The following HACD3 variants were observed in gnomAD, a reference collection of about 807,000 sequenced individuals.
HACD3 encodes 3-hydroxyacyl-CoA dehydratase 3.
Under a neutral mutation model 55.2 loss-of-function variants are expected in HACD3, and 30 were observed. The observed-to-expected ratio is 0.54, with a 90% CI of 0.41 to 0.74. The LOEUF is 0.74. Among genes scored for constraint, HACD3 ranks in the 30% least tolerant of loss-of-function variants. HACD3 has a pLI of 0.00. For synonymous variants in HACD3, 141 were observed against 151.7 expected (o/e 0.93, Z 0.52); for missense variants, 363 against 440.1 (o/e 0.82, Z 1.57).
chr15:65,539,210 CTTTTTTTTTTTTTTTT>C lies in HACD3; in HGVS notation c.87+8504_87+8519del, dbSNP rs71139414. ...TTTCTGAGAATGTTCAGTGACAGGA[CTTTTTTTTTTTTTTTT>C]TTTTTTTTTTTGAGATGGAGTCTCA... On this transcript the variant is annotated intron_variant, in intron 1 of 10. Coordinates refer to ENST00000261875, the MANE Select transcript of HACD3 (RefSeq NM_016395.4). 1.7e-4 allele frequency among the ~76,000 whole-genome samples: 9 copies of C among 54,328 alleles called. No homozygotes were observed. In the East Asian group the frequency reaches 5.3e-3, roughly 32 times the overall value. The allele number at this position is 54,328 out of a possible 152,430, so 35.6% of individuals were successfully genotyped here.
intron 10 of HACD3, among the ~76,000 whole-genome samples, chr15:65,575,151 C>T (rs2141228535): frequency 6.6e-6 from 1 of 151,598 alleles, no homozygotes; most frequent in South Asian, 2.1e-4. Flanking sequence ...GTGTAAACAG[C>T]CAGTTAACAT....
chr15:65,547,928 CAAT>C (rs1185696749), intron 1 of HACD3, among the ~76,000 whole-genome samples: 1 of 152,064 alleles, frequency 6.6e-6, no homozygotes, highest in Non-Finnish European at 1.5e-5. Flanking sequence ...AAATGATCAA[CAAT>C]GATTGTGGAA....
rs780903175 is a variant in HACD3 at position 65,551,679 on chromosome 15, C to G, written c.91C>G (p.Pro31Ala). ...CATCCTTGGTCTCTTTTCACAGAAC[C>G]CTGCCATCAGCATCACTGAAAACGT... ...LRVELSDVQNPAISITENVLH... is the reference protein window; with the variant it reads ...LRVELSDVQNAAISITENVLH... The change falls in exon 2 of 11, where the codon CCT becomes GCT. Residue 31 changes from proline to alanine, a missense_variant. Physicochemically the swap from Pro to Ala is conservative, Grantham distance 27 (BLOSUM62 -1). Coordinates refer to ENST00000261875, the MANE Select transcript of HACD3 (RefSeq NM_016395.4). 9 of 1,613,800 alleles carry G rather than the reference C, an allele frequency of 5.6e-6. No homozygotes were observed. Among genetic ancestry groups the G allele is most frequent in the Non-Finnish European group, 6.8e-6 (8 of 1,179,884 alleles).
chr15:65,535,700 T>C (rs1401912070), intron 1 of HACD3: 1 of 303,752 alleles, frequency 3.3e-6, no homozygotes. Flanking sequence ...GATGTTAACT[T>C]TTTTTTTTTT....
intron 7 of HACD3, among the ~76,000 whole-genome samples, chr15:65,568,904 G>C (rs2072320118): frequency 6.6e-6 from 1 of 152,030 alleles, no homozygotes; most frequent in Admixed American, 6.6e-5. Flanking sequence ...TCATATATTG[G>C]AATGTCTTGC....
intron 1 of HACD3, among the ~76,000 whole-genome samples, chr15:65,542,509 C>A (rs1244353821): frequency 6.6e-6 from 1 of 152,060 alleles, no homozygotes; most frequent in East Asian, 1.9e-4. Flanking sequence ...AGCGATCTAC[C>A]CACCTTGGTC....
chr15:65,537,501 G>A (rs2071965760), intron 1 of HACD3, among the ~76,000 whole-genome samples: 1 of 151,378 alleles, frequency 6.6e-6, no homozygotes, highest in African/African-American at 2.4e-5. Flanking sequence ...TAAGAATTAT[G>A]TTAAATCGGC....
chr15:65,545,030 A>G (rs565862965), intron 1 of HACD3, among the ~76,000 whole-genome samples: 46 of 152,184 alleles, frequency 3.0e-4, no homozygotes, highest in Non-Finnish European at 4.4e-4. Context: ...AAAAAAAAAA[A>G]AAAGAAAGAA....
At chr15:65,573,644 T>C (rs1314775546) in intron 10 of HACD3, among the ~76,000 whole-genome samples, 1 of 152,012 alleles carries the variant, frequency 6.6e-6, no homozygotes, top group Non-Finnish European at 1.5e-5. Flanking sequence ...CAGTATTTGG[T>C]AATTTCTAAA....
intron 10 of HACD3, among the ~76,000 whole-genome samples, chr15:65,574,810 C>T (rs1271941931): frequency 6.6e-6 from 1 of 152,154 alleles, no homozygotes; most frequent in African/African-American, 2.4e-5. Context: ...AAGAGAGGAA[C>T]CCTCAGTTCA....
rs201367549 is a variant in HACD3 at position 65,531,564 on chromosome 15, T to C, written c.87+846T>C. On this transcript the variant is annotated intron_variant, in intron 1 of 10. Coordinates refer to ENST00000261875, the MANE Select transcript of HACD3 (RefSeq NM_016395.4). The stretch of plus-strand genomic sequence containing the variant: ...GGTTCTTTCTTTCTTTCTTTCTTTT[T>C]TTTTCTTTTCTTTTTTTTGAGACGG... 4.7e-3 allele frequency: 712 copies of C among 152,050 alleles called. 1 individual carries two copies. Among genetic ancestry groups the C allele is most frequent in the Middle Eastern group, 6.8e-3 (2 of 294 alleles). 9.4% of individuals were successfully genotyped at this position (152,050 alleles called of 1,614,324 possible). A position where few individuals can be genotyped will look rare whatever the true frequency, so the allele number is the denominator to read the frequency against.
At chr15:65,537,285 G>A (rs1184496585) in intron 1 of HACD3, among the ~76,000 whole-genome samples, 1 of 152,168 alleles carries the variant, frequency 6.6e-6, no homozygotes, top group African/African-American at 2.4e-5. Context: ...CCTTGATGAA[G>A]GTGGCTGCAC....
intron 1 of HACD3, among the ~76,000 whole-genome samples, chr15:65,535,205 T>G (rs1468468286): frequency 6.6e-6 from 1 of 152,164 alleles, no homozygotes; most frequent in Non-Finnish European, 1.5e-5. Context: ...GGGGAGAATG[T>G]GTTAAGCAAG....
intron 1 of HACD3, among the ~76,000 whole-genome samples, chr15:65,545,775 A>C (rs1454921994): frequency 6.6e-6 from 1 of 151,976 alleles, no homozygotes; most frequent in East Asian, 1.9e-4. Flanking sequence ...TTAAAGTGTA[A>C]ATGTAGTGGC....
intron 1 of HACD3, among the ~76,000 whole-genome samples, chr15:65,545,042 GAA>G (rs1182053195): frequency 6.6e-6 from 1 of 150,972 alleles, no homozygotes; most frequent in East Asian, 1.9e-4. Flanking sequence ...AAGAAAGAAA[GAA>G]AATTATAATT....
intron 4 of HACD3, 28 bp from the exon 5 acceptor site, chr15:65,558,652 T>C: frequency 6.3e-7 from 1 of 1,575,432 alleles, no homozygotes; most frequent in Non-Finnish European, 8.6e-7. Context: ...TAACTTGTGT[T>C]CTTGGAAAAC....
chr15:65,555,744 A>G (rs1480330508), intron 3 of HACD3, among the ~76,000 whole-genome samples: 1 of 152,204 alleles, frequency 6.6e-6, no homozygotes, highest in Non-Finnish European at 1.5e-5. Context: ...GACTCCCCAA[A>G]TTGACCCCTG....
At chr15:65,539,486 G>A (rs1411359294) in intron 1 of HACD3, among the ~76,000 whole-genome samples, 1 of 152,056 alleles carries the variant, frequency 6.6e-6, no homozygotes, top group Non-Finnish European at 1.5e-5. Context: ...CTCCCAAAGC[G>A]CTAGGATTAC....
At chr15:65,560,822 C>G (rs2141219072) in intron 5 of HACD3, among the ~76,000 whole-genome samples, 1 of 151,570 alleles carries the variant, frequency 6.6e-6, no homozygotes, top group Non-Finnish European at 1.5e-5. Context: ...AAAAAAAAGC[C>G]CGGATTAGAT....
Sources: allele counts gnomAD v4.1 joint callset (sites outside exome capture counted in the v4.1 genomes callset), GRCh38; gene constraint gnomAD v4.1.1; transcripts MANE v1.5; gene names NCBI Gene and HGNC (gene_info 2026-07-23, HGNC 2026-07-21).